LY9: variants seen among roughly 807,000 people sequenced by gnomAD.
LY9 encodes lymphocyte antigen 9.
Under a neutral mutation model 64.6 loss-of-function variants are expected in LY9, and 59 were observed. The ratio of observed to expected loss-of-function variants is 0.91; its 90% CI spans 0.74 to 1.13. The LOEUF (loss-of-function observed/expected upper bound fraction) is 1.13. Among genes scored for constraint, LY9 ranks in the 50% most tolerant of loss-of-function variants. LY9 has a pLI of 0.00. For synonymous variants in LY9, 281 were observed against 308.5 expected (o/e 0.91, Z 0.93); for missense variants, 789 against 797.2 (o/e 0.99, Z 0.12).
At chr1:160,823,361 G>T in intron 7 of LY9, 104 bp from the exon 8 acceptor site, 1 of 769,522 alleles carries the variant, frequency 1.3e-6, no homozygotes. Flanking sequence ...CGGTTCTCTA[G>T]GCCTCATCTA....
At chr1:160,820,846 T>G (rs1459612515) in intron 7 of LY9, among the ~76,000 whole-genome samples, 2 of 151,632 alleles carry the variant, frequency 1.3e-5, no homozygotes, top group East Asian at 1.9e-4. Flanking sequence ...TGAATAGTTT[T>G]TTTTTTTTTT....
intron 2 of LY9, chr1:160,802,445 G>A: frequency 2.0e-6 from 2 of 986,310 alleles, no homozygotes; most frequent in Non-Finnish European, 2.4e-6. Flanking sequence ...TCCCCGGGAT[G>A]CAGGCCCACA....
chr1:160,825,628 G>A (rs181161954), intron 9 of LY9, among the ~76,000 whole-genome samples: 25 of 152,018 alleles, frequency 1.6e-4, no homozygotes, highest in Non-Finnish European at 2.8e-4. Context: ...AAAAACTCTC[G>A]GCTGGGCGTG....
chr1:160,827,884 C>A lies in LY9; in HGVS notation c.*68C>A. On this transcript the variant is annotated 3_prime_UTR_variant, in exon 10 of 10. Transcript: ENST00000263285. Reference sequence around the variant, plus strand: ...GGAAAGTCAGCTGGACCTCATGGGGCCTGGGGCTCACAGACAGAAGCACCT... The same window carrying A: ...GGAAAGTCAGCTGGACCTCATGGGGACTGGGGCTCACAGACAGAAGCACCT... The A allele has an allele frequency of 7.7e-7, 1 of 1,291,074 alleles. No individual in the cohort carries two copies. The highest frequency in any genetic ancestry group is 1.1e-6 in the Non-Finnish European group (1 of 909,606). The allele number at this position is 1,291,074 out of a possible 1,614,324, so 80.0% of individuals were successfully genotyped here.
intron 2 of LY9, chr1:160,812,260 C>T (rs1179615916): frequency 6.6e-6 from 1 of 152,206 alleles, no homozygotes; most frequent in Non-Finnish European, 1.5e-5. Context: ...GGATACCACT[C>T]ATATCAGACT....
rs1166939472 is a variant in LY9 at position 160,816,491 on chromosome 1, G to A, written c.1073-103G>A. ...GGCTCCTGGAGGCACTTTGCCGGCA[G>A]TATCAACACTCAGCTTCATGAATAT... On this transcript the variant is annotated intron_variant, in intron 4 of 9. Transcript: ENST00000263285. 15 of 1,349,842 alleles carry A rather than the reference G, an allele frequency of 1.1e-5. No homozygotes were observed. In the Admixed American group the frequency reaches 2.9e-4, roughly 26 times the overall value. The allele number at this position is 1,349,842 out of a possible 1,614,324, so 83.6% of individuals were successfully genotyped here.
At position 160,823,682 on chromosome 1, in the gene LY9, A is replaced by C; in HGVS notation, c.1716A>C (p.Gly572=). 2 of 1,613,960 alleles carry C rather than the reference A, an allele frequency of 1.2e-6. No homozygotes were observed. Among genetic ancestry groups the C allele is most frequent in the East Asian group, 4.5e-5 (2 of 44,878 alleles). The change falls in exon 8 of 10, where the codon GGA becomes GGC. Residue 572 remains glycine (G), a synonymous_variant. Coordinates refer to ENST00000263285, the MANE Select transcript of LY9 (RefSeq NM_002348.4). ...VFDQVTQEGA[G]HDPAPEGQAD... is the part of the protein sequence containing the mutation. ...ACCAGGTCACTCAGGAGGGCGCTGGACATGACCCAGCCCCTGAGGGCCAAG... is the reference window on the plus strand; with the variant it reads ...ACCAGGTCACTCAGGAGGGCGCTGGCCATGACCCAGCCCCTGAGGGCCAAG...
chr1:160,800,446 G>A (rs867668995), intron 2 of LY9, among the ~76,000 whole-genome samples: 20 of 152,164 alleles, frequency 1.3e-4, no homozygotes, highest in Middle Eastern at 6.8e-3. Context: ...GAGAACATGC[G>A]ATATGTGTCT....
chr1:160,813,510 C>T (rs1222627464), intron 2 of LY9, 126 bp from the exon 3 acceptor site: 4 of 865,582 alleles, frequency 4.6e-6, no homozygotes, highest in African/African-American at 1.7e-5. Context: ...AGAAGATGTC[C>T]CTGCGACAGG....
Position 160,823,788 on chromosome 1 carries a change from A to C in LY9, c.1822A>C (p.Asn608His). The C allele has an allele frequency of 6.2e-7, 1 of 1,609,496 alleles. No homozygotes were observed. Among genetic ancestry groups the C allele is most frequent in the Middle Eastern group, 1.7e-4 (1 of 6,044 alleles). ...GAACACCATGTATGCACAAGTGTTC[A>C]ACTTACAGGTGAGCCCTTCTGATCA... is the stretch of plus-strand genomic sequence containing the variant. ...GENTMYAQVF[N>H]LQGKTPVSQK... is the part of the protein sequence containing the mutation. The change falls in exon 8 of 10, where the codon AAC (asparagine) becomes CAC (histidine). Residue 608 changes from asparagine to histidine, a missense_variant. Asn to His is a moderately conservative substitution (Grantham distance 68, BLOSUM62 1). Transcript: ENST00000263285.
intron 8 of LY9, 67 bp from the exon 9 acceptor site, chr1:160,824,114 G>A (rs878976196): frequency 1.3e-6 from 2 of 1,590,866 alleles, no homozygotes; most frequent in African/African-American, 1.3e-5. Flanking sequence ...TCTCCTCAAG[G>A]GTTGAGGGTA....
At chr1:160,797,860 TATACAC>T (rs1310305964) in intron 1 of LY9, among the ~76,000 whole-genome samples, 4 of 42,272 alleles carry the variant, frequency 9.5e-5, no homozygotes, top group Non-Finnish European at 1.7e-4. Flanking sequence ...GTAGATGATC[TATACAC>T]ACACACACAC....
chr1:160,805,300 T>C (rs966846075), intron 2 of LY9, among the ~76,000 whole-genome samples: 1 of 152,212 alleles, frequency 6.6e-6, no homozygotes, highest in Admixed American at 6.5e-5. Flanking sequence ...GTTGTGTTTT[T>C]TTTTTCATTT....
chr1:160,817,868 C>T (rs1402343088), intron 5 of LY9, among the ~76,000 whole-genome samples: 1 of 152,114 alleles, frequency 6.6e-6, no homozygotes, highest in Non-Finnish European at 1.5e-5. Context: ...TCCAGCTTAA[C>T]AGGAATCTGG....
chr1:160,823,366 C>G, intron 7 of LY9, 99 bp from the exon 8 acceptor site: 1 of 819,224 alleles, frequency 1.2e-6, no homozygotes, highest in Non-Finnish European at 1.9e-6. Flanking sequence ...CTCTAGGCCT[C>G]ATCTAATGCA....
rs536076929 is a variant in LY9 at position 160,827,923 on chromosome 1, A to C, written c.*107A>C. 3 of 801,258 alleles carry C rather than the reference A, an allele frequency of 3.7e-6. No individual in the cohort carries two copies. The highest frequency in any genetic ancestry group is 1.7e-5 in the South Asian group (1 of 59,332). 49.6% of individuals were successfully genotyped at this position (801,258 alleles called of 1,614,324 possible). ...ACAGAAGCACCTCAGAATTTCCTTC[A>C]GTGCCTCAGAGATGCCTGGATGTGG... is the stretch of plus-strand genomic sequence containing the variant. On this transcript the variant is annotated 3_prime_UTR_variant, in exon 10 of 10. Coordinates refer to ENST00000263285, the MANE Select transcript of LY9 (RefSeq NM_002348.4).
chr1:160,799,826 C>A lies in LY9; in HGVS notation c.198C>A (p.Pro66=). ...SGILGGSVTL[P]LNISVDTEIE... Reference sequence around the variant, plus strand: ...TCCTAGGGGGTTCCGTGACTCTCCCCCTAAACATCTCAGTAGACACAGAGA... The same window carrying A: ...TCCTAGGGGGTTCCGTGACTCTCCCACTAAACATCTCAGTAGACACAGAGA... The change falls in exon 2 of 10, where the codon CCC becomes CCA. Residue 66 remains proline, a synonymous_variant. Transcript: ENST00000263285. 2 of 1,614,136 alleles carry A rather than the reference C, an allele frequency of 1.2e-6. No homozygotes were observed. Among genetic ancestry groups the A allele is most frequent in the Non-Finnish European group, 1.7e-6 (2 of 1,179,988 alleles).
intron 7 of LY9, among the ~76,000 whole-genome samples, chr1:160,820,919 G>A (rs1163908935): frequency 2.0e-5 from 3 of 150,888 alleles, no homozygotes; most frequent in Non-Finnish European, 4.4e-5. Flanking sequence ...TTGGGAGGCT[G>A]AGGCAGGTAG....
chr1:160,814,941 G>T, intron 4 of LY9, 180 bp downstream of exon 4: 3 of 614,002 alleles, frequency 4.9e-6, no homozygotes, highest in Non-Finnish European at 8.6e-6. Flanking sequence ...ATGACTAGCT[G>T]CTGGACAAGT....
Sources: allele counts gnomAD v4.1 joint callset (sites outside exome capture counted in the v4.1 genomes callset), GRCh38; gene constraint gnomAD v4.1.1; transcripts MANE v1.5; gene names NCBI Gene and HGNC (gene_info 2026-07-23, HGNC 2026-07-21).